Variants in PCM1 observed in about 807,000 individuals in gnomAD.
The protein encoded by PCM1 is pericentriolar material 1 protein.
Under a neutral mutation model 241.9 loss-of-function variants are expected in PCM1, and 157 were observed. That is an observed-to-expected ratio of 0.65 (90% CI 0.57 to 0.74). The LOEUF is 0.74. PCM1 is among the 30% of genes least tolerant of loss of function. The pLI is 0.00. For synonymous variants in PCM1, 1,085 were observed against 784.9 expected, an observed-to-expected ratio of 1.38 and a Z score of -6.39; for missense variants, 3,478 against 2,360.1, an observed-to-expected ratio of 1.47 and a Z score of -9.81.
rs548641708 is a variant in PCM1, at chr8:17,996,683, T to C, written c.4827+3064T>C. 1.4e-4 allele frequency among the ~76,000 whole-genome samples: 22 copies of C among 152,304 alleles called. No individual in the cohort carries two copies. The Middle Eastern group carries it at 0.01, about 71-fold the overall frequency. ...ACATCCATTGTTTTCGTATCTGTTA[T>C]ATGTATGTTTTTGGATTTCAGGTTA... On this transcript the variant is annotated intron_variant, in intron 29 of 38. Transcript: ENST00000325083.
chr8:17,960,527 G>GTTTGTCTTTT, intron 15 of PCM1, 83 bp downstream of exon 15: 1 of 412,976 alleles, frequency 2.4e-6, no homozygotes, highest in Non-Finnish European at 3.7e-6. Flanking sequence ...TTTTGTTTTT[G>GTTTGTCTTTT]TTTTTCTTTT....
At chr8:17,963,523 C>G (rs2073505677) in intron 17 of PCM1, among the ~76,000 whole-genome samples, 1 of 152,116 alleles carries the variant, frequency 6.6e-6, no homozygotes. Context: ...GGCACTTGAT[C>G]AAATGGTGAT....
In PCM1 at chr8:17,947,174, C is replaced by T; in HGVS notation, c.784-12C>T. On this transcript the variant is annotated splice_polypyrimidine_tract_variant and intron_variant, in intron 6 of 38. Coordinates refer to ENST00000325083, the MANE Select transcript of PCM1 (RefSeq NM_006197.4). Reference sequence around the variant, plus strand: ...ATAGTCAGATACAAGTATTGTTGGTCTTATTTTCCAGGCCAGAGATCCTCA... The same window carrying T: ...ATAGTCAGATACAAGTATTGTTGGTTTTATTTTCCAGGCCAGAGATCCTCA... 2 of 1,548,378 alleles carry T rather than the reference C, an allele frequency of 1.3e-6. No homozygotes were observed. The highest frequency in any genetic ancestry group is 8.8e-7 in the Non-Finnish European group (1 of 1,139,874).
intron 23 of PCM1, among the ~76,000 whole-genome samples, chr8:17,973,373 C>G (rs74731699): frequency 3.6e-3 from 551 of 152,128 alleles, no homozygotes; most frequent in Non-Finnish European, 6.0e-3. Context: ...TTTATGTTTG[C>G]AAAGGATGGG....
At chr8:17,975,793 A>T (rs913637329) in intron 23 of PCM1, among the ~76,000 whole-genome samples, 2 of 152,208 alleles carry the variant, frequency 1.3e-5, no homozygotes, top group Non-Finnish European at 2.9e-5. Context: ...TTTAATCCTT[A>T]GAAGGTCTTT....
intron 6 of PCM1, among the ~76,000 whole-genome samples, chr8:17,940,320 C>T (rs1032389339): frequency 6.6e-6 from 1 of 152,026 alleles, no homozygotes; most frequent in South Asian, 2.1e-4. Flanking sequence ...TATTTAAACA[C>T]GGAAGTTAAG....
At chr8:17,983,600 G>C (rs948442232) in intron 24 of PCM1, among the ~76,000 whole-genome samples, 2 of 152,062 alleles carry the variant, frequency 1.3e-5, no homozygotes, top group African/African-American at 4.8e-5. Flanking sequence ...CAAAGCATTA[G>C]TATTTCTTAG....
chr8:17,970,648 G>A lies in PCM1; in HGVS notation c.3584+900G>A, dbSNP rs76468917. On this transcript the variant is annotated intron_variant, in intron 22 of 38. Coordinates refer to ENST00000325083, the MANE Select transcript of PCM1 (RefSeq NM_006197.4). ...TCACAGTTGCCATTCAGAAATGATT[G>A]TTGAATGAATATCCATCACGAGCAG... Among the ~76,000 whole-genome samples, 94 of 152,188 alleles carry A rather than the reference G, an allele frequency of 6.2e-4. 1 individual carries two copies. In the East Asian group the frequency reaches 0.014, roughly 23 times the overall value.
intron 23 of PCM1, among the ~76,000 whole-genome samples, chr8:17,977,189 C>G (rs999454567): frequency 6.6e-6 from 1 of 152,100 alleles, no homozygotes; most frequent in African/African-American, 2.4e-5. Context: ...CCAGTCATGT[C>G]ATTTTACATA....
rs5889752 is a variant in PCM1 at position 17,924,007 on chromosome 8, G to GTTTTT, written c.-90-703_-90-699dup. On this transcript the variant is annotated intron_variant, in intron 1 of 38. Coordinates refer to ENST00000325083, the MANE Select transcript of PCM1 (RefSeq NM_006197.4). ...GGTTTAATTTTTTTTGTTTTGTTTT[G>GTTTTT]TTTTTTTGAGCGAGTTGAGGTCTGT... Among the ~76,000 whole-genome samples, 991 of 149,132 alleles carry GTTTTT rather than the reference G, an allele frequency of 6.6e-3. 4 individuals are homozygous for GTTTTT. The highest frequency in any genetic ancestry group is 0.011 in the Non-Finnish European group (709 of 67,274).
intron 29 of PCM1, 44 bp downstream of exon 29, chr8:17,993,663 G>T: frequency 6.0e-6 from 9 of 1,503,352 alleles, no homozygotes; most frequent in Non-Finnish European, 8.1e-6. Flanking sequence ...TCTATGTTTT[G>T]TTTTTTAATT....
chr8:17,972,634 C>T lies in PCM1; in HGVS notation c.3890C>T (p.Ser1297Leu), dbSNP rs762088041. ...GCATCTAAAGATAAAACTCCCAAGT[C>T]AAAAAGTAAGAAGAGGAATTCTACT... ...SLASKDKTPK[S>L]KSKKRNSTQL... Residue 1297 changes from serine (S) to leucine (L), a missense_variant, in exon 23 of 39, where the codon TCA becomes TTA. By Grantham distance (145) the Ser-to-Leu change is moderately radical (BLOSUM62 -2). Coordinates refer to ENST00000325083, the MANE Select transcript of PCM1 (RefSeq NM_006197.4). 4.4e-6 allele frequency: 7 copies of T among 1,579,578 alleles called. No homozygotes were observed. In the South Asian group the frequency reaches 5.9e-5, roughly 13 times the overall value.
intron 29 of PCM1, 76 bp from the exon 30 acceptor site, chr8:18,006,187 T>G (rs747584495): frequency 1.7e-4 from 196 of 1,125,622 alleles, no homozygotes; most frequent in Non-Finnish European, 2.2e-4. Context: ...AATTAACATT[T>G]TGTATTATAT....
intron 36 of PCM1, among the ~76,000 whole-genome samples, chr8:18,023,873 C>G (rs1365186191): frequency 6.6e-6 from 1 of 152,168 alleles, no homozygotes; most frequent in Non-Finnish European, 1.5e-5. Context: ...CCCAACATAA[C>G]TTTTGATGAT....
intron 34 of PCM1, among the ~76,000 whole-genome samples, chr8:18,013,004 C>G (rs2092711558): frequency 6.6e-6 from 1 of 152,162 alleles, no homozygotes; most frequent in Non-Finnish European, 1.5e-5. Flanking sequence ...AGTGATATAT[C>G]AAAAAGCAAG....
At position 17,930,293 on chromosome 8, in the gene PCM1, C is replaced by T. The variant is rs201865570; in HGVS notation, c.-22-5296C>T. 3.4e-4 allele frequency among the ~76,000 whole-genome samples: 51 copies of T among 151,644 alleles called. No individual in the cohort carries two copies. The East Asian group carries it at 9.7e-3, about 29-fold the overall frequency. On this transcript the variant is annotated intron_variant, in intron 2 of 38. Transcript: ENST00000325083. The stretch of plus-strand genomic sequence containing the variant: ...TTTTTTGTATTTTTAGTAGAGGTGA[C>T]AGGGTTTCACCGTGTTAGCCAGGAT...
chr8:18,017,006 G>T (rs1016086393), intron 36 of PCM1, among the ~76,000 whole-genome samples: 1 of 152,188 alleles, frequency 6.6e-6, no homozygotes, highest in African/African-American at 2.4e-5. Context: ...CCTGATTTCT[G>T]TCAGTTTCTA....
At chr8:17,988,788 C>T (rs1463433359) in intron 26 of PCM1, among the ~76,000 whole-genome samples, 2 of 151,776 alleles carry the variant, frequency 1.3e-5, no homozygotes, top group Non-Finnish European at 3.0e-5. Flanking sequence ...TCAAGAATGG[C>T]TAAAATGAAA....
chr8:18,012,318 G>A (rs1286025907), intron 34 of PCM1, among the ~76,000 whole-genome samples: 1 of 152,100 alleles, frequency 6.6e-6, no homozygotes, highest in East Asian at 1.9e-4. Context: ...GCCATCTAGG[G>A]TAGCAGATAG....
Sources: gnomAD v4.1 joint callset for allele counts (sites outside exome capture counted in the v4.1 genomes callset) on GRCh38, gnomAD v4.1.1 for gene constraint, MANE v1.5 for transcripts, NCBI Gene and HGNC (gene_info 2026-07-23, HGNC 2026-07-21) for gene names.